Variants in KIF2C observed in about 807,000 individuals in gnomAD.
KIF2C encodes kinesin family member 2C, also known as kinesin-like protein KIF2C.
In KIF2C, 34 loss-of-function variants were observed where a neutral mutation model predicts 97.4. The observed-to-expected ratio is 0.35, with a 90% CI of 0.27 to 0.46. The LOEUF is 0.46. Among genes scored for constraint, KIF2C ranks in the 20% least tolerant of loss-of-function variants. KIF2C has a pLI of 1.00. For missense variants in KIF2C, 750 were observed against 907.6 expected, an observed-to-expected ratio of 0.83 and a Z score of 2.23; for synonymous variants, 313 against 318.2, an observed-to-expected ratio of 0.98 and a Z score of 0.17.
rs540396960 is a variant in KIF2C at position 44,760,204 on chromosome 1, T to C, written c.1368-76T>C. 2 of 1,381,686 alleles carry C rather than the reference T, an allele frequency of 1.4e-6. No individual in the cohort carries two copies. Among genetic ancestry groups the C allele is most frequent in the East Asian group, 2.3e-5 (1 of 43,656 alleles). The allele number at this position is 1,381,686 out of a possible 1,614,324, so 85.6% of individuals were successfully genotyped here. ...CGCCTCCTAACCTGTGTCCCTCCCT[T>C]CCTAGAGAACTTCTGTGGACTTGGG... On this transcript the variant is annotated intron_variant, in intron 14 of 20. Coordinates refer to ENST00000372224, the MANE Select transcript of KIF2C (RefSeq NM_006845.4). This position sits in a 1 kb window ranked among gnomAD's most constrained non-coding sequence, Gnocchi z 4.2.
chr1:44,760,808 C>T lies in KIF2C; in HGVS notation c.1683+106C>T, dbSNP rs755208844. On this transcript the variant is annotated intron_variant, in intron 16 of 20. Coordinates refer to ENST00000372224, the MANE Select transcript of KIF2C (RefSeq NM_006845.4). This position sits in a 1 kb window ranked among gnomAD's most constrained non-coding sequence, Gnocchi z 4.2. ...GCTGGAAGCTCAGCACTGCTGGCTGCCTGGGTTTCCAGGCTGTACCGTGAC... is the reference window on the plus strand; with the variant it reads ...GCTGGAAGCTCAGCACTGCTGGCTGTCTGGGTTTCCAGGCTGTACCGTGAC... 3.3e-6 allele frequency: 3 copies of T among 905,596 alleles called. No homozygotes were observed. The highest frequency in any genetic ancestry group is 2.6e-5 in the East Asian group (1 of 38,896). The allele number at this position is 905,596 out of a possible 1,614,324, so 56.1% of individuals were successfully genotyped here.
chr1:44,748,949 G>A (rs1306717012), intron 4 of KIF2C, among the ~76,000 whole-genome samples: 4 of 151,962 alleles, frequency 2.6e-5, no homozygotes, highest in Admixed American at 6.6e-5. Context: ...CAAAGTGCTG[G>A]GACTACAGGC....
chr1:44,757,891 A>AC lies in KIF2C; in HGVS notation c.1069-13dup. The AC allele has an allele frequency of 6.2e-7, 1 of 1,613,326 alleles. No homozygotes were observed. The highest frequency in any genetic ancestry group is 8.5e-7 in the Non-Finnish European group (1 of 1,179,552). On this transcript the variant is annotated splice_polypyrimidine_tract_variant and intron_variant, in intron 11 of 20. Transcript: ENST00000372224. ...CAACAGCCCTTTTCCATGGTCTTCT[A>AC]CCCCTTCCCTTTGCAGACTATGGGC...
rs987326763 is a variant in KIF2C at position 44,767,440 on chromosome 1, T to C, written c.*261T>C. 1 of 394,388 alleles carries C rather than the reference T, an allele frequency of 2.5e-6. No homozygotes were observed. Among genetic ancestry groups the C allele is most frequent in the Non-Finnish European group, 4.8e-6 (1 of 207,736 alleles). 24.4% of individuals were successfully genotyped at this position (394,388 alleles called of 1,614,324 possible). A position where few individuals can be genotyped will look rare whatever the true frequency, so the allele number is the denominator to read the frequency against. ...CCCTTTTGTGTTGCCCTTCTTTCCA[T>C]CAAGGGGAATGTTCTCAGCATAGAG... On this transcript the variant is annotated 3_prime_UTR_variant, in exon 21 of 21. Transcript: ENST00000372224.
chr1:44,766,963 G>C lies in KIF2C; in HGVS notation c.2095+14G>C, dbSNP rs373116207. 1.2e-6 allele frequency: 2 copies of C among 1,614,162 alleles called. No individual in the cohort carries two copies. Among genetic ancestry groups the C allele is most frequent in the Non-Finnish European group, 1.7e-6 (2 of 1,179,986 alleles). On this transcript the variant is annotated intron_variant, in intron 20 of 20. Coordinates refer to ENST00000372224, the MANE Select transcript of KIF2C (RefSeq NM_006845.4). ...CAGCCCTGCGAGGTGGGTGTGGCTG[G>C]ATGGGGTGCAGGTGGACGATGGTGG...
chr1:44,744,582 A>C (rs187379265), intron 2 of KIF2C, among the ~76,000 whole-genome samples: 10 of 152,258 alleles, frequency 6.6e-5, no homozygotes, highest in Admixed American at 6.5e-5. Flanking sequence ...CATGAGAATC[A>C]GTTGATTGTC....
At chr1:44,747,558 AT>A in intron 3 of KIF2C, 73 bp downstream of exon 3, 1 of 1,567,316 alleles carries the variant, frequency 6.4e-7, no homozygotes, top group Non-Finnish European at 8.7e-7. Context: ...TTGCTGATTG[AT>A]TGTCTGGCAT....
intron 8 of KIF2C, 69 bp from the exon 9 acceptor site, chr1:44,755,860 C>T (rs1649799333): frequency 6.7e-7 from 1 of 1,494,856 alleles, no homozygotes; most frequent in Admixed American, 1.7e-5. Flanking sequence ...GGTGGGAGTT[C>T]TGGACAAGCT....
intron 2 of KIF2C, chr1:44,746,554 C>T: frequency 7.4e-7 from 1 of 1,353,836 alleles, no homozygotes; most frequent in Non-Finnish European, 9.5e-7. Context: ...CTTGTTTCCT[C>T]CTCCGTGTCA....
Position 44,750,524 on chromosome 1 carries a change from G to A in KIF2C, c.399G>A (p.Leu133=). ...TAQENDMEVE[L]PAAANSRKQF... ...AGGAGAATGACATGGAGGTGGAGCT[G>A]CCTGCAGCTGCAAACTCCCGCAAGC... The change falls in exon 5 of 21, where the codon CTG becomes CTA. Residue 133 remains leucine, a synonymous_variant. Coordinates refer to ENST00000372224, the MANE Select transcript of KIF2C (RefSeq NM_006845.4). The A allele has an allele frequency of 6.9e-6, 11 of 1,585,182 alleles. No individual in the cohort carries two copies. The highest frequency in any genetic ancestry group is 9.5e-6 in the Non-Finnish European group (11 of 1,162,782).
chr1:44,748,222 C>T (rs1343331930), intron 4 of KIF2C, among the ~76,000 whole-genome samples: 3 of 152,152 alleles, frequency 2.0e-5, no homozygotes, highest in East Asian at 1.9e-4. Flanking sequence ...TAGACTGTGA[C>T]TCTAGGGGGT....
In KIF2C at chr1:44,755,969, C is replaced by A; in HGVS notation, c.800C>A (p.Pro267Gln). ...ATATGTGTCTGTGTTAGGAAACGCC[C>A]ACTGAATAAGCAAGGTAAGTCCTGT... Reference protein sequence around the residue: ...HRICVCVRKRPLNKQELAKKE... With the variant: ...HRICVCVRKRQLNKQELAKKE... The change falls in exon 9 of 21, where the codon CCA becomes CAA. Residue 267 changes from proline (P) to glutamine (Q), a missense_variant. By Grantham distance (76) the Pro-to-Gln change is moderately conservative (BLOSUM62 -1). Transcript: ENST00000372224. 6.2e-7 allele frequency: 1 copy of A among 1,614,158 alleles called. No individual in the cohort carries two copies. The highest frequency in any genetic ancestry group is 1.1e-5 in the South Asian group (1 of 91,086).
chr1:44,760,748 T>C lies in KIF2C; in HGVS notation c.1683+46T>C, dbSNP rs780105721. 27 of 1,497,968 alleles carry C rather than the reference T, an allele frequency of 1.8e-5. No individual in the cohort carries two copies. Among genetic ancestry groups the C allele is most frequent in the Admixed American group, 6.8e-5 (4 of 58,600 alleles). The allele number at this position is 1,497,968 out of a possible 1,614,324, so 92.8% of individuals were successfully genotyped here. On this transcript the variant is annotated intron_variant, in intron 16 of 20. Coordinates refer to ENST00000372224, the MANE Select transcript of KIF2C (RefSeq NM_006845.4). This position sits in a 1 kb window ranked among gnomAD's most constrained non-coding sequence, Gnocchi z 4.2. ...GGTGATGGTACAGGAGGAGACAGAGTTGCTTTCCACAGAGACACTTAGTCC... is the reference window on the plus strand; with the variant it reads ...GGTGATGGTACAGGAGGAGACAGAGCTGCTTTCCACAGAGACACTTAGTCC...
intron 2 of KIF2C, among the ~76,000 whole-genome samples, chr1:44,744,054 C>G (rs981798561): frequency 1.3e-5 from 2 of 150,518 alleles, no homozygotes; most frequent in East Asian, 3.9e-4. Context: ...CTTAGTGGGG[C>G]ATTCAGAGCC....
In KIF2C at chr1:44,745,358, C is replaced by CT. The variant is rs896545598; in HGVS notation, c.166-2013dup. On this transcript the variant is annotated intron_variant, in intron 2 of 20. Transcript: ENST00000372224. ...TTTTGCATTTAGTGATTCTATCCTC[C>CT]TTTTTTTTTTTTTATTTAAATCTCA... 6.5e-3 allele frequency among the ~76,000 whole-genome samples: 875 copies of CT among 134,958 alleles called. 8 individuals are homozygous for CT. The highest frequency in any genetic ancestry group is 0.016 in the African/African-American group (599 of 36,692). The allele number at this position is 134,958 out of a possible 152,430, so 88.5% of individuals were successfully genotyped here. A position where few individuals can be genotyped will look rare whatever the true frequency, so the allele number is the denominator to read the frequency against.
Position 44,741,015 on chromosome 1 carries a change from C to T in KIF2C, c.165+8C>T. On this transcript the variant is annotated splice_region_variant and intron_variant, in intron 2 of 20. Coordinates refer to ENST00000372224, the MANE Select transcript of KIF2C (RefSeq NM_006845.4). ...GCCACAAAGGGCAAAGAGGTAGGTT[C>T]TATGAGAATTCCTCTACCACATTTA... 6.3e-7 allele frequency: 1 copy of T among 1,599,176 alleles called. No individual in the cohort carries two copies. Among genetic ancestry groups the T allele is most frequent in the Non-Finnish European group, 8.6e-7 (1 of 1,166,766 alleles).
In KIF2C at chr1:44,760,454, A is replaced by G. The variant is rs201025267; in HGVS notation, c.1542A>G (p.Ala514=). Residue 514 remains alanine, a synonymous_variant, in exon 15 of 21, where the codon GCA becomes GCG. Transcript: ENST00000372224. The surrounding 1 kb of genome is among the most constrained non-coding windows in gnomAD (Gnocchi z 4.2). ...SADRQTRMEG[A]EINKSLLALK... is the part of the protein sequence containing the mutation. ...ACCGGCAGACCCGCATGGAGGGCGC[A>G]GAAATCAACAAGAGTCTCTTAGCCC... 2 of 1,614,180 alleles carry G rather than the reference A, an allele frequency of 1.2e-6. No homozygotes were observed. Among genetic ancestry groups the G allele is most frequent in the Non-Finnish European group, 1.7e-6 (2 of 1,180,034 alleles).
intron 10 of KIF2C, among the ~76,000 whole-genome samples, chr1:44,756,749 G>A (rs535050693): frequency 3.3e-5 from 5 of 149,644 alleles, no homozygotes; most frequent in Non-Finnish European, 7.4e-5. Flanking sequence ...ACAGGGTTTC[G>A]CCCTGTTGGT....
At chr1:44,759,154 T>A (rs745898253) in intron 13 of KIF2C, 52 bp from the exon 14 acceptor site, 101 of 1,608,788 alleles carry the variant, frequency 6.3e-5, no homozygotes, top group Middle Eastern at 1.8e-4. Flanking sequence ...AGCAGTCGGG[T>A]GGGGTGCCGG....
Sources: gnomAD v4.1 joint callset for allele counts (sites outside exome capture counted in the v4.1 genomes callset) on GRCh38, gnomAD v4.1.1 for gene constraint, Gnocchi (gnomAD v3.1) non-coding constraint, MANE v1.5 for transcripts, NCBI Gene and HGNC (gene_info 2026-07-23, HGNC 2026-07-21) for gene names.